Variants in CAPN5 observed in about 807,000 individuals in gnomAD.
CAPN5 encodes the protein calpain-5.
Under a neutral mutation model 73.0 loss-of-function variants are expected in CAPN5, and 54 were observed. That is an observed-to-expected ratio of 0.74 (90% CI 0.59 to 0.93). The LOEUF is 0.93. Ranked by LOEUF, CAPN5 falls within the 40% of genes least tolerant of loss-of-function variation. CAPN5 has a pLI of 0.00. For missense variants in CAPN5, 785 were observed against 882.9 expected, an observed-to-expected ratio of 0.89 and a Z score of 1.41; for synonymous variants, 335 against 356.9, an observed-to-expected ratio of 0.94 and a Z score of 0.69.
chr11:77,089,735 T>C (rs782050954), intron 2 of CAPN5, among the ~76,000 whole-genome samples: 3 of 151,984 alleles, frequency 2.0e-5, no homozygotes, highest in Non-Finnish European at 4.4e-5. Context: ...TAGCTGGGTG[T>C]TGGTGGCAGG....
At position 77,090,959 on chromosome 11, in the gene CAPN5, G is replaced by A. The variant is rs561380772; in HGVS notation, c.166-2723G>A. ...CCGTTGGGGATGGATGAGACCAGGCGGCCTCACTGGGTTTCCTAGACCTGT... is the reference window on the plus strand; with the variant it reads ...CCGTTGGGGATGGATGAGACCAGGCAGCCTCACTGGGTTTCCTAGACCTGT... On this transcript the variant is annotated intron_variant, in intron 2 of 12. Transcript: ENST00000648180. Among the ~76,000 whole-genome samples, 204 of 152,256 alleles carry A rather than the reference G, an allele frequency of 1.3e-3. 1 individual carries two copies. Among genetic ancestry groups the A allele is most frequent in the Middle Eastern group, 6.8e-3 (2 of 294 alleles).
In CAPN5 at chr11:77,114,218, A is replaced by C. The variant is rs115125928; in HGVS notation, c.507-24A>C. The C allele has an allele frequency of 1.3e-3, 2,111 of 1,609,224 alleles. 19 individuals are homozygous for C. The African/African-American group carries it at 0.024, about 18-fold the overall frequency. On this transcript the variant is annotated intron_variant, in intron 4 of 12. Transcript: ENST00000648180. ...GCCTGGCTGGGGAGCATGAGCTGGG[A>C]AGTCTTTCCACATTGCTTCCCAGAC...
intron 8 of CAPN5, among the ~76,000 whole-genome samples, chr11:77,118,584 C>G (rs1250352576): frequency 6.6e-6 from 1 of 152,218 alleles, no homozygotes; most frequent in African/African-American, 2.4e-5. Context: ...AACCGCGGCT[C>G]TGAGGGACAT....
intron 3 of CAPN5, among the ~76,000 whole-genome samples, chr11:77,111,863 A>T (rs904385320): frequency 6.6e-6 from 1 of 152,132 alleles, no homozygotes; most frequent in Non-Finnish European, 1.5e-5. Flanking sequence ...TCCTGGAGAA[A>T]GAGGATGGAC....
chr11:77,084,454 A>G lies in CAPN5; in HGVS notation c.-35-398A>G, dbSNP rs185946536. 5.7e-4 allele frequency among the ~76,000 whole-genome samples: 87 copies of G among 152,222 alleles called. 1 individual carries two copies. Among genetic ancestry groups the G allele is most frequent in the African/African-American group, 2.1e-3 (86 of 41,534 alleles). On this transcript the variant is annotated intron_variant, in intron 1 of 12. Coordinates refer to ENST00000648180, the MANE Select transcript of CAPN5 (RefSeq NM_004055.5). The stretch of plus-strand genomic sequence containing the variant: ...GCCACTCTCTAGAGGTGGGGAGGGA[A>G]ACCCAGAGGCACACGCTGCTTTCCT...
At chr11:77,122,117 C>T (rs1950525601) in intron 11 of CAPN5, 68 bp downstream of exon 11, 4 of 897,878 alleles carry the variant, frequency 4.5e-6, no homozygotes, top group South Asian at 1.8e-5. Context: ...TCCACCAGCA[C>T]GGATACCAGC....
Position 77,126,147 on chromosome 11 carries a change from T to A in CAPN5, c.*2277T>A, listed in dbSNP as rs1950575391. The A allele has an allele frequency of 6.6e-6, 1 of 152,104 alleles. No individual in the cohort carries two copies. The highest frequency in any genetic ancestry group is 2.4e-5 in the African/African-American group (1 of 41,428). 9.4% of individuals were successfully genotyped at this position (152,104 alleles called of 1,614,324 possible). A position where few individuals can be genotyped will look rare whatever the true frequency, so the allele number is the denominator to read the frequency against. On this transcript the variant is annotated 3_prime_UTR_variant, in exon 13 of 13. Transcript: ENST00000648180. ...TCTATTCTCAATAAATCTTACAAAA[T>A]TCCAAAAAGACTTTCCTGTGTCCCT... is the stretch of plus-strand genomic sequence containing the variant.
intron 1 of CAPN5, chr11:77,071,590 A>C (rs540228896): frequency 2.2e-6 from 1 of 450,688 alleles, no homozygotes; most frequent in Non-Finnish European, 4.5e-6. Flanking sequence ...AGTAGAGCAG[A>C]AAATACCTTT....
At chr11:77,116,666 T>TGGTGTGGCCAGGGGCACTGGG (rs1950471793) in intron 7 of CAPN5, among the ~76,000 whole-genome samples, 3 of 152,050 alleles carry the variant, frequency 2.0e-5, no homozygotes, top group African/African-American at 4.8e-5. Flanking sequence ...ACCAGCAGTA[T>TGGTGTGGCCAGGGGCACTGGG]GGTGTGGCCA....
intron 1 of CAPN5, chr11:77,071,730 C>T (rs1555033120): frequency 2.3e-6 from 1 of 426,882 alleles, no homozygotes; most frequent in Admixed American, 2.4e-5. Context: ...GGCTCTGGTT[C>T]ACCCTCTGCC....
chr11:77,087,012 C>T (rs141299621), intron 2 of CAPN5, among the ~76,000 whole-genome samples: 98 of 152,358 alleles, frequency 6.4e-4, no homozygotes, highest in African/African-American at 2.0e-3. Flanking sequence ...TTTCTAGACA[C>T]GCAGAGCTGC....
At position 77,120,857 on chromosome 11, in the gene CAPN5, C is replaced by A. The variant is rs782594346; in HGVS notation, c.1435C>A (p.His479Asn). ...CATCCCCACAACCTTCGAGCCAGGC[C>A]ACACTGGCGAGTTCCTGCTCCGAGT... The part of the protein sequence containing the change: ...VIIPTTFEPG[H>N]TGEFLLRVFT... The change falls in exon 10 of 13, where the codon CAC becomes AAC. Residue 479 changes from histidine to asparagine, a missense_variant. His to Asn is a moderately conservative substitution (Grantham distance 68). Transcript: ENST00000648180. 6.2e-7 allele frequency: 1 copy of A among 1,614,168 alleles called. No individual in the cohort carries two copies. Among genetic ancestry groups the A allele is most frequent in the Non-Finnish European group, 8.5e-7 (1 of 1,180,004 alleles).
Position 77,125,962 on chromosome 11 carries a change from AG to A in CAPN5, c.*2096del, listed in dbSNP as rs1459322666. On this transcript the variant is annotated 3_prime_UTR_variant, in exon 13 of 13. Transcript: ENST00000648180. ...CTTGGGGGCCAGGCAGGTAAGGATC[AG>A]GGGTGATAGGGGAGAGCAATTACTT... 1.3e-5 allele frequency: 2 copies of A among 152,310 alleles called. No individual in the cohort carries two copies. The highest frequency in any genetic ancestry group is 2.9e-5 in the Non-Finnish European group (2 of 68,022). 9.4% of individuals were successfully genotyped at this position (152,310 alleles called of 1,614,324 possible).
intron 1 of CAPN5, among the ~76,000 whole-genome samples, chr11:77,079,138 G>T (rs1191316154): frequency 6.7e-6 from 1 of 149,742 alleles, no homozygotes; most frequent in Non-Finnish European, 1.5e-5. Flanking sequence ...ATGTGCTTTT[G>T]AATTATTTGC....
At chr11:77,107,384 G>C (rs1950363009) in intron 3 of CAPN5, among the ~76,000 whole-genome samples, 2 of 152,092 alleles carry the variant, frequency 1.3e-5, no homozygotes. Flanking sequence ...TGGCCCTCTG[G>C]GGTCCCAGGC....
chr11:77,094,359 C>T (rs1198587537), intron 3 of CAPN5, among the ~76,000 whole-genome samples: 1 of 151,068 alleles, frequency 6.6e-6, no homozygotes, highest in Admixed American at 6.6e-5. Context: ...GCAACCCAAC[C>T]TCCTATCCCA....
chr11:77,115,203 A>G (rs10899352), intron 5 of CAPN5, among the ~76,000 whole-genome samples, 192 bp from the exon 6 acceptor site: 32,282 of 152,258 alleles, frequency 0.21, 3,577 homozygotes, highest in South Asian at 0.33. Flanking sequence ...CTGACCCACT[A>G]TGGGCACCTT....
At chr11:77,074,301 T>G (rs1336586415) in intron 1 of CAPN5, among the ~76,000 whole-genome samples, 2 of 151,624 alleles carry the variant, frequency 1.3e-5, no homozygotes, top group Non-Finnish European at 2.9e-5. Context: ...CCCCAGTAAA[T>G]GCTGATGCCC....
chr11:77,098,895 GGGTGGCTGCCGGGCGGAGA>G (rs1950249294), intron 3 of CAPN5, among the ~76,000 whole-genome samples: 1 of 129,800 alleles, frequency 7.7e-6, no homozygotes, highest in African/African-American at 3.2e-5. Flanking sequence ...TTCCCAGATG[GGGTGGCTGCCGGGCGGAGA>G]GGCTCCTCAC....
Sources: allele counts gnomAD v4.1 joint callset (sites outside exome capture counted in the v4.1 genomes callset), GRCh38; gene constraint gnomAD v4.1.1; transcripts MANE v1.5; gene names NCBI Gene and HGNC (gene_info 2026-07-23, HGNC 2026-07-21).